Variants in NR6A1 observed in about 807,000 individuals in gnomAD.
NR6A1 encodes the protein nuclear receptor subfamily 6 group A member 1.
Under a neutral mutation model 59.1 loss-of-function variants are expected in NR6A1, and 7 were observed. That is an observed-to-expected ratio of 0.12 (90% CI 0.07 to 0.22). The LOEUF is 0.22. Ranked by LOEUF, NR6A1 falls within the 10% of genes least tolerant of loss-of-function variation. NR6A1 has a pLI of 1.00. For missense variants in NR6A1, 468 were observed against 611.6 expected, an observed-to-expected ratio of 0.77 and a Z score of 2.48; for synonymous variants, 243 against 236.1, an observed-to-expected ratio of 1.03 and a Z score of -0.27.
chr9:124,525,564 T>C (rs552703516), intron 8 of NR6A1, among the ~76,000 whole-genome samples: 128 of 152,150 alleles, frequency 8.4e-4, no homozygotes, highest in African/African-American at 2.3e-3. Flanking sequence ...ACTACGTTGC[T>C]TGGGTTGGTC....
intron 2 of NR6A1, among the ~76,000 whole-genome samples, chr9:124,713,680 G>C (rs1247396932): frequency 1.3e-5 from 2 of 152,106 alleles, no homozygotes; most frequent in Non-Finnish European, 2.9e-5. Context: ...GCAAATCAAA[G>C]CCACAATGAG....
At chr9:124,540,686 C>T (rs56995770) in intron 4 of NR6A1, among the ~76,000 whole-genome samples, 7,653 of 152,088 alleles carry the variant, frequency 0.05, 583 homozygotes, top group African/African-American at 0.16. Context: ...GTAGTCCTAC[C>T]TACTCTGGAG....
chr9:124,640,605 G>A (rs1483081185), intron 2 of NR6A1, among the ~76,000 whole-genome samples: 3 of 151,844 alleles, frequency 2.0e-5, no homozygotes, highest in African/African-American at 7.3e-5. Flanking sequence ...TCGCTGTGTT[G>A]CCCAGGCTAG....
intron 2 of NR6A1, among the ~76,000 whole-genome samples, chr9:124,670,618 T>C (rs560223053): frequency 4.5e-4 from 69 of 152,038 alleles, no homozygotes; most frequent in Non-Finnish European, 8.5e-4. Context: ...TGTCAACAAA[T>C]AGTGACCGGG....
chr9:124,585,942 G>A lies in NR6A1; in HGVS notation c.143-31372C>T, dbSNP rs986712240. ...TAGAATGGTTTACTAAATATTTTGAGCTCACTGTTGAGACCTACTGCTCAG... is the reference window on the plus strand; with the variant it reads ...TAGAATGGTTTACTAAATATTTTGAACTCACTGTTGAGACCTACTGCTCAG... On this transcript the variant is annotated intron_variant, in intron 2 of 9. Coordinates refer to ENST00000487099, the MANE Select transcript of NR6A1 (RefSeq NM_033334.4). 3.3e-5 allele frequency among the ~76,000 whole-genome samples: 5 copies of A among 152,102 alleles called. No homozygotes were observed. The East Asian group carries it at 7.7e-4, about 23-fold the overall frequency.
In NR6A1 at chr9:124,554,265, G is replaced by A. The variant is rs1024145355; in HGVS notation, c.385+63C>T. ...AGCTTGAGGAATAAGTAACTAAACAGCTGACACTAAAGGTAAAGTTTTGAA... is the reference window on the plus strand; with the variant it reads ...AGCTTGAGGAATAAGTAACTAAACAACTGACACTAAAGGTAAAGTTTTGAA... On this transcript the variant is annotated intron_variant, in intron 3 of 9. Transcript: ENST00000487099. 5.0e-6 allele frequency: 8 copies of A among 1,609,844 alleles called. No individual in the cohort carries two copies. In the Admixed American group the frequency reaches 1.0e-4, roughly 20 times the overall value.
intron 3 of NR6A1, among the ~76,000 whole-genome samples, chr9:124,547,240 C>A (rs1833626394): frequency 6.6e-6 from 1 of 152,140 alleles, no homozygotes; most frequent in South Asian, 2.1e-4. Flanking sequence ...TTTGCTTGGG[C>A]TTAGGCAGTC....
intron 3 of NR6A1, among the ~76,000 whole-genome samples, chr9:124,550,990 G>A (rs901386714): frequency 5.9e-5 from 9 of 152,086 alleles, no homozygotes; most frequent in Non-Finnish European, 8.8e-5. Context: ...TTGTTCCACC[G>A]TTGGCCATCA....
At chr9:124,720,202 C>T (rs376975326) in intron 2 of NR6A1, among the ~76,000 whole-genome samples, 2 of 152,046 alleles carry the variant, frequency 1.3e-5, no homozygotes, top group South Asian at 2.1e-4. Context: ...CAAGCATGCG[C>T]CACCACGTCC....
At chr9:124,614,638 C>G (rs930896182) in intron 2 of NR6A1, among the ~76,000 whole-genome samples, 11 of 152,160 alleles carry the variant, frequency 7.2e-5, no homozygotes, top group Admixed American at 6.5e-4. Context: ...TATACTCTGC[C>G]TTAGGCTCCT....
intron 2 of NR6A1, among the ~76,000 whole-genome samples, chr9:124,574,884 A>G (rs1490786956): frequency 6.6e-6 from 1 of 152,232 alleles, no homozygotes; most frequent in Non-Finnish European, 1.5e-5. Context: ...TATACACTCT[A>G]CAACTGCATA....
intron 2 of NR6A1, among the ~76,000 whole-genome samples, chr9:124,687,415 T>C (rs556197073): frequency 3.6e-4 from 55 of 151,994 alleles, no homozygotes; most frequent in Non-Finnish European, 7.1e-4. Context: ...GCTGGCATTA[T>C]ACATCAGCCA....
At position 124,587,847 on chromosome 9, in the gene NR6A1, T is replaced by G. The variant is rs527738609; in HGVS notation, c.143-33277A>C. ...AGCCATCAGAACCAAAGGTTCTGCTTCCCTAAGGCGCTGGATCAATAATTC... is the reference window on the plus strand; with the variant it reads ...AGCCATCAGAACCAAAGGTTCTGCTGCCCTAAGGCGCTGGATCAATAATTC... On this transcript the variant is annotated intron_variant, in intron 2 of 9. Coordinates refer to ENST00000487099, the MANE Select transcript of NR6A1 (RefSeq NM_033334.4). 3.2e-4 allele frequency among the ~76,000 whole-genome samples: 48 copies of G among 152,306 alleles called. No homozygotes were observed. In the South Asian group the frequency reaches 5.6e-3, roughly 18 times the overall value.
At position 124,771,170 on chromosome 9, in the gene NR6A1, G is replaced by T. The variant is rs940151833; in HGVS notation, c.-51C>A. 4.8e-6 allele frequency: 5 copies of T among 1,039,110 alleles called. No homozygotes were observed. Among genetic ancestry groups the T allele is most frequent in the African/African-American group, 3.3e-5 (2 of 60,708 alleles). The allele number at this position is 1,039,110 out of a possible 1,614,324, so 64.4% of individuals were successfully genotyped here. A position where few individuals can be genotyped will look rare whatever the true frequency, so the allele number is the denominator to read the frequency against. ...GGTTTGTTGCTCCGCCATGACCGGC[G>T]CCCTAGTCGCCGTGGTCGTCGTCCG... On this transcript the variant is annotated 5_prime_UTR_variant, in exon 1 of 10. Coordinates refer to ENST00000487099, the MANE Select transcript of NR6A1 (RefSeq NM_033334.4).
intron 2 of NR6A1, among the ~76,000 whole-genome samples, chr9:124,692,212 T>G (rs904423385): frequency 1.3e-5 from 2 of 152,234 alleles, no homozygotes; most frequent in African/African-American, 4.8e-5. Flanking sequence ...ATTTTACATT[T>G]TTAGAATCAC....
intron 2 of NR6A1, chr9:124,693,774 A>G (rs1372719475): frequency 3.7e-6 from 2 of 534,574 alleles, no homozygotes; most frequent in African/African-American, 1.9e-5. Context: ...TCACTGATCA[A>G]TGAATGCAAA....
intron 2 of NR6A1, among the ~76,000 whole-genome samples, chr9:124,588,824 G>A (rs1588690612): frequency 6.7e-6 from 1 of 150,108 alleles, no homozygotes; most frequent in East Asian, 2.0e-4. Context: ...GGAGGCTGAG[G>A]CAGGAGAATG....
At chr9:124,660,434 C>T (rs1837395038) in intron 2 of NR6A1, among the ~76,000 whole-genome samples, 1 of 152,098 alleles carries the variant, frequency 6.6e-6, no homozygotes, top group Non-Finnish European at 1.5e-5. Flanking sequence ...CATGACGATT[C>T]GAAAAGTCCA....
At chr9:124,628,051 C>T (rs1011039389) in intron 2 of NR6A1, among the ~76,000 whole-genome samples, 14 of 151,982 alleles carry the variant, frequency 9.2e-5, no homozygotes, top group Non-Finnish European at 4.4e-5. Context: ...GTTTTTGAGA[C>T]GGAGTCTCGC....
Sources: gnomAD v4.1 joint callset for allele counts (sites outside exome capture counted in the v4.1 genomes callset) on GRCh38, gnomAD v4.1.1 for gene constraint, MANE v1.5 for transcripts, NCBI Gene and HGNC (gene_info 2026-07-23, HGNC 2026-07-21) for gene names.